The following ADGRL2 variants were observed in gnomAD, a reference collection of about 807,000 sequenced individuals.
The protein encoded by ADGRL2 is adhesion G protein-coupled receptor L2.
In ADGRL2, 44 loss-of-function variants were observed where a neutral mutation model predicts 157.4. The ratio of observed to expected loss-of-function variants is 0.28; its 90% confidence interval spans 0.22 to 0.36. ADGRL2 has a LOEUF of 0.36. ADGRL2 is among the 10% of genes least tolerant of loss of function. The pLI is 1.00. For missense variants in ADGRL2, 1,510 were observed against 1,768.9 expected, an observed-to-expected ratio of 0.85 and a Z score of 2.63; for synonymous variants, 585 against 624.7, an observed-to-expected ratio of 0.94 and a Z score of 0.95.
chr1:81,484,208 A>T (rs578215639), intron 2 of ADGRL2, among the ~76,000 whole-genome samples: 2 of 152,302 alleles, frequency 1.3e-5, no homozygotes, highest in East Asian at 3.9e-4. Context: ...TGAATAAAAA[A>T]CAAATATGTC....
intron 1 of ADGRL2, among the ~76,000 whole-genome samples, chr1:81,312,086 G>A (rs1352501930): frequency 1.3e-5 from 2 of 152,178 alleles, no homozygotes; most frequent in Non-Finnish European, 2.9e-5. Flanking sequence ...TCTTTGTCCT[G>A]AAACTTTGGC....
intron 2 of ADGRL2, among the ~76,000 whole-genome samples, chr1:81,872,641 G>A (rs2093728936): frequency 1.3e-5 from 2 of 152,092 alleles, no homozygotes; most frequent in African/African-American, 4.8e-5. Context: ...ATACTCACAT[G>A]TCAGACTAAG....
chr1:81,501,731 C>G lies in ADGRL2; in HGVS notation c.-248+56642C>G, dbSNP rs1389624787. The G allele has an allele frequency of 1.2e-5, 19 of 1,607,866 alleles. No individual in the cohort carries two copies. In the Admixed American group the frequency reaches 2.0e-4, roughly 17 times the overall value. ...GTGCCTGGTGGGCTGTGCCCAGGTTCAGAGTCATGCCACTCTGTGGGTGAA... is the reference window on the plus strand; with the variant it reads ...GTGCCTGGTGGGCTGTGCCCAGGTTGAGAGTCATGCCACTCTGTGGGTGAA... On this transcript the variant is annotated intron_variant, in intron 2 of 24. Transcript: ENST00000370721.
At chr1:81,463,292 C>CA (rs2077979966) in intron 2 of ADGRL2, among the ~76,000 whole-genome samples, 1 of 151,824 alleles carries the variant, frequency 6.6e-6, no homozygotes, top group South Asian at 2.1e-4. Flanking sequence ...TTCTGAGACT[C>CA]AAATTCTTCC....
intron 3 of ADGRL2, among the ~76,000 whole-genome samples, chr1:81,659,834 C>A (rs532001917): frequency 1.3e-5 from 2 of 152,090 alleles, no homozygotes; most frequent in Non-Finnish European, 2.9e-5. Flanking sequence ...CTAAATTATT[C>A]TCTTTTTTGG....
intron 2 of ADGRL2, among the ~76,000 whole-genome samples, chr1:81,476,663 T>TA (rs1326073710): frequency 6.6e-6 from 1 of 152,230 alleles, no homozygotes; most frequent in African/African-American, 2.4e-5. Flanking sequence ...AGTTGCTATT[T>TA]AAAGGATTCC....
upstream of ADGRL2, among the ~76,000 whole-genome samples, chr1:81,698,787 T>C (rs1356778563): frequency 6.6e-6 from 1 of 152,218 alleles, no homozygotes; most frequent in East Asian, 1.9e-4. Flanking sequence ...GCATGACAAA[T>C]AATACATATA....
intron 1 of ADGRL2, among the ~76,000 whole-genome samples, chr1:81,814,847 T>G (rs991965879): frequency 1.3e-5 from 2 of 151,764 alleles, no homozygotes; most frequent in Non-Finnish European, 3.0e-5. Flanking sequence ...AGAGAAATGT[T>G]AAAATCTTAG....
At chr1:81,363,617 A>C (rs990034799) in intron 1 of ADGRL2, among the ~76,000 whole-genome samples, 2 of 152,146 alleles carry the variant, frequency 1.3e-5, no homozygotes, top group African/African-American at 4.8e-5. Flanking sequence ...ACCATCAAAT[A>C]AATGACAAGT....
intron 1 of ADGRL2, among the ~76,000 whole-genome samples, chr1:81,377,538 C>T (rs887304999): frequency 5.9e-5 from 9 of 151,992 alleles, no homozygotes; most frequent in Non-Finnish European, 1.3e-4. Context: ...GGTGTTATCC[C>T]AGCAGCAACG....
At chr1:81,648,707 T>G (rs942476370) in intron 3 of ADGRL2, among the ~76,000 whole-genome samples, 1 of 152,170 alleles carries the variant, frequency 6.6e-6, no homozygotes, top group Non-Finnish European at 1.5e-5. Flanking sequence ...ATATGTTACA[T>G]AGTGACATTT....
At chr1:81,409,981 T>C (rs1490012310) in intron 1 of ADGRL2, among the ~76,000 whole-genome samples, 1 of 152,110 alleles carries the variant, frequency 6.6e-6, no homozygotes, top group East Asian at 1.9e-4. Context: ...AAAAAGAAAC[T>C]GGGAACAGAC....
At chr1:81,900,948 C>T (rs1030267492) in intron 2 of ADGRL2, among the ~76,000 whole-genome samples, 3 of 152,042 alleles carry the variant, frequency 2.0e-5, no homozygotes, top group African/African-American at 7.2e-5. Flanking sequence ...TAAAATAAAA[C>T]AGTGAGCAAA....
chr1:81,850,602 C>T (rs1370609075), intron 2 of ADGRL2, among the ~76,000 whole-genome samples: 1 of 151,788 alleles, frequency 6.6e-6, no homozygotes, highest in African/African-American at 2.4e-5. Flanking sequence ...CTATTCAGTT[C>T]CTTTTTGTTC....
chr1:81,471,565 T>A (rs1253138853), intron 2 of ADGRL2, among the ~76,000 whole-genome samples: 1 of 152,208 alleles, frequency 6.6e-6, no homozygotes, highest in Non-Finnish European at 1.5e-5. Context: ...GAGAATTTTA[T>A]GATAATATTT....
At chr1:81,809,041 C>G (rs1051785709) in intron 1 of ADGRL2, among the ~76,000 whole-genome samples, 1 of 152,028 alleles carries the variant, frequency 6.6e-6, no homozygotes, top group African/African-American at 2.4e-5. Flanking sequence ...TGTAATGTCT[C>G]CCTCTACAGA....
chr1:81,545,862 G>A (rs539114406), intron 2 of ADGRL2, among the ~76,000 whole-genome samples: 33 of 152,098 alleles, frequency 2.2e-4, no homozygotes, highest in Middle Eastern at 3.4e-3. Context: ...TGCCTCCTGC[G>A]GTATGGAAAA....
chr1:81,739,846 G>A (rs1234673366), intron 1 of ADGRL2, among the ~76,000 whole-genome samples: 3 of 152,154 alleles, frequency 2.0e-5, no homozygotes, highest in Admixed American at 6.5e-5. Flanking sequence ...GCATGCCTAG[G>A]TCCTTCCCAC....
chr1:81,865,501 C>T (rs938802507), intron 2 of ADGRL2, among the ~76,000 whole-genome samples: 1 of 152,092 alleles, frequency 6.6e-6, no homozygotes, highest in East Asian at 1.9e-4. Flanking sequence ...AGATGAGGAG[C>T]CTACCTATTC....
Sources: allele counts gnomAD v4.1 joint callset (sites outside exome capture counted in the v4.1 genomes callset), GRCh38; gene constraint gnomAD v4.1.1; transcripts MANE v1.5; gene names NCBI Gene and HGNC (gene_info 2026-07-23, HGNC 2026-07-21).